Variants in MSH3 observed in about 807,000 individuals in gnomAD.
The protein encoded by MSH3 is DNA mismatch repair protein Msh3.
MSH3 carries 106 observed loss-of-function variants against 123.3 expected under a neutral mutation model. The ratio of observed to expected loss-of-function variants is 0.86; its 90% CI spans 0.73 to 1.01. MSH3 has a LOEUF of 1.01. Ranked by LOEUF, MSH3 falls within the 50% of genes least tolerant of loss-of-function variation. MSH3 has a pLI of 0.00. For missense variants in MSH3, 1,459 were observed against 1,347.6 expected (o/e 1.08, Z -1.29); for synonymous variants, 515 against 481.4 (o/e 1.07, Z -0.91).
chr5:80,689,192 A>G (rs1279174161), intron 8 of MSH3, among the ~76,000 whole-genome samples: 1 of 152,136 alleles, frequency 6.6e-6, no homozygotes, highest in African/African-American at 2.4e-5. Flanking sequence ...CTGTTCAGTG[A>G]GTATTTGCTG....
intron 12 of MSH3, among the ~76,000 whole-genome samples, chr5:80,745,865 C>A (rs138933794): frequency 6.6e-6 from 1 of 152,318 alleles, no homozygotes; most frequent in East Asian, 1.9e-4. Flanking sequence ...CTGTGTTACT[C>A]TGTGATTAAT....
Position 80,787,825 on chromosome 5 carries a change from AAAATT to A in MSH3, c.2543+159_2543+163del, listed in dbSNP as rs1289958042. Among the ~76,000 whole-genome samples, 5 of 152,342 alleles carry A rather than the reference AAAATT, an allele frequency of 3.3e-5. No homozygotes were observed. In the South Asian group the frequency reaches 8.3e-4, roughly 25 times the overall value. On this transcript the variant is annotated intron_variant, in intron 18 of 23. Coordinates refer to ENST00000265081, the MANE Select transcript of MSH3 (RefSeq NM_002439.5). Reference sequence around the variant, plus strand: ...TGTCATACATATGTAGCTTGATTTGAAAATTAAATTCATTTCTTGCTTCCTCTGTC... The same window carrying A: ...TGTCATACATATGTAGCTTGATTTGAAAATTCATTTCTTGCTTCCTCTGTC...
At chr5:80,771,273 C>G (rs557055733) in intron 15 of MSH3, among the ~76,000 whole-genome samples, 1 of 152,240 alleles carries the variant, frequency 6.6e-6, no homozygotes, top group South Asian at 2.1e-4. Flanking sequence ...CGCTTGAGCT[C>G]CGGAGTTCAA....
intron 18 of MSH3, among the ~76,000 whole-genome samples, chr5:80,788,972 C>T (rs1300272538): frequency 6.6e-6 from 1 of 152,062 alleles, no homozygotes; most frequent in African/African-American, 2.4e-5. Context: ...TGTATCCTCC[C>T]AGCTCTGTGA....
intron 10 of MSH3, among the ~76,000 whole-genome samples, chr5:80,732,184 A>G (rs1743424100): frequency 6.6e-6 from 1 of 152,204 alleles, no homozygotes; most frequent in Admixed American, 6.5e-5. Flanking sequence ...ATTATTTATT[A>G]TAACAGAATT....
chr5:80,792,646 G>A lies in MSH3; in HGVS notation c.2544-87G>A, dbSNP rs975321533. 5.3e-6 allele frequency: 4 copies of A among 757,440 alleles called. No individual in the cohort carries two copies. The African/African-American group carries it at 5.3e-5, about 10-fold the overall frequency. The allele number at this position is 757,440 out of a possible 1,614,324, so 46.9% of individuals were successfully genotyped here. A position where few individuals can be genotyped will look rare whatever the true frequency, so the allele number is the denominator to read the frequency against. ...TTTTGTTTTCTGTCGTACAAACAGA[G>A]TACTGAAATTTTTCATGCTATCTTA... On this transcript the variant is annotated intron_variant, in intron 18 of 23. Transcript: ENST00000265081.
chr5:80,703,804 G>GT (rs553533708), intron 8 of MSH3, among the ~76,000 whole-genome samples: 367 of 149,136 alleles, frequency 2.5e-3, no homozygotes, highest in African/African-American at 7.1e-3. Flanking sequence ...CATATAAAGA[G>GT]TTTTTTTTTT....
intron 7 of MSH3, among the ~76,000 whole-genome samples, chr5:80,678,716 A>G (rs1181676566): frequency 6.6e-6 from 1 of 152,134 alleles, no homozygotes; most frequent in African/African-American, 2.4e-5. Context: ...CGGCTCTCGG[A>G]AATCTGATTT....
chr5:80,736,217 CTCCG>C (rs1194141192), intron 10 of MSH3, among the ~76,000 whole-genome samples: 15 of 151,718 alleles, frequency 9.9e-5, no homozygotes, highest in Admixed American at 7.2e-4. Flanking sequence ...CTGAGCGAGA[CTCCG>C]TCCCTCACCC....
In MSH3 at chr5:80,741,504, A is replaced by G. The variant is rs1333806808; in HGVS notation, c.1609A>G (p.Ile537Val). The G allele has an allele frequency of 6.2e-7, 1 of 1,607,928 alleles. No individual in the cohort carries two copies. The highest frequency in any genetic ancestry group is 1.3e-5 in the African/African-American group (1 of 74,810). ...ATCAAGTAAAATGGAATTTATGACA[A>G]TTAATGGAACAACATTAAGGAATCT... The part of the protein sequence containing the change: ...QLSSKMEFMT[I>V]NGTTLRNLEI... Residue 537 changes from isoleucine (I) to valine (V), a missense_variant, in exon 11 of 24, where the codon ATT (isoleucine) becomes GTT (valine). Physicochemically the swap from Ile to Val is conservative, Grantham distance 29. Coordinates refer to ENST00000265081, the MANE Select transcript of MSH3 (RefSeq NM_002439.5).
chr5:80,838,805 A>G (rs530271168), intron 20 of MSH3, among the ~76,000 whole-genome samples: 100 of 152,330 alleles, frequency 6.6e-4, no homozygotes, highest in African/African-American at 2.3e-3. Flanking sequence ...GTGATGGCCT[A>G]TTTATGCAAG....
In MSH3 at chr5:80,846,190, G is replaced by A. The variant is rs183010792; in HGVS notation, c.2814-7940G>A. On this transcript the variant is annotated intron_variant, in intron 20 of 23. Coordinates refer to ENST00000265081, the MANE Select transcript of MSH3 (RefSeq NM_002439.5). ...TGCAGGTCTGTTGGGGTTTGCTGGAGGTCCACTCCAGACCCTCTTTGCCTG... is the reference window on the plus strand; with the variant it reads ...TGCAGGTCTGTTGGGGTTTGCTGGAAGTCCACTCCAGACCCTCTTTGCCTG... Among the ~76,000 whole-genome samples the A allele has an allele frequency of 6.6e-5, 10 of 152,186 alleles. No homozygotes were observed. In the East Asian group the frequency reaches 1.9e-3, roughly 29 times the overall value.
chr5:80,851,029 A>T (rs992858901), intron 20 of MSH3, among the ~76,000 whole-genome samples: 2 of 152,152 alleles, frequency 1.3e-5, no homozygotes, highest in Non-Finnish European at 2.9e-5. Context: ...TATTAATATA[A>T]CCATTTTCCG....
At chr5:80,676,275 C>T (rs1483511380) in intron 7 of MSH3, among the ~76,000 whole-genome samples, 1 of 151,998 alleles carries the variant, frequency 6.6e-6, no homozygotes, top group Non-Finnish European at 1.5e-5. Flanking sequence ...AGGTGATCAG[C>T]CCACCTCGGC....
chr5:80,684,012 C>T (rs906790448), intron 8 of MSH3, among the ~76,000 whole-genome samples: 4 of 152,084 alleles, frequency 2.6e-5, no homozygotes, highest in Admixed American at 2.0e-4. Flanking sequence ...GGATTTATTT[C>T]TGGGTTTTCT....
chr5:80,790,379 G>A (rs1294033543), intron 18 of MSH3, among the ~76,000 whole-genome samples: 1 of 152,024 alleles, frequency 6.6e-6, no homozygotes, highest in African/African-American at 2.4e-5. Flanking sequence ...CCTTTAAAAA[G>A]GAGAGTAAAA....
intron 20 of MSH3, among the ~76,000 whole-genome samples, chr5:80,826,247 G>C (rs541562645): frequency 4.6e-5 from 7 of 152,316 alleles, no homozygotes; most frequent in African/African-American, 1.7e-4. Flanking sequence ...AGAATCTACT[G>C]TATGGCTTGT....
chr5:80,864,969 A>T lies in MSH3; in HGVS notation c.3130+27A>T, dbSNP rs202175282. The T allele has an allele frequency of 8.1e-6, 13 of 1,612,478 alleles. 1 individual carries two copies. In the African/African-American group the frequency reaches 1.3e-4, roughly 17 times the overall value. ...TATGAAATATTCCTGCAGTTGGTAC[A>T]AATATTGGTTTTCATGTTTGATAAC... is the stretch of plus-strand genomic sequence containing the variant. On this transcript the variant is annotated intron_variant, in intron 22 of 23. Transcript: ENST00000265081.
chr5:80,723,773 T>C (rs1420734992), intron 8 of MSH3, among the ~76,000 whole-genome samples: 1 of 152,196 alleles, frequency 6.6e-6, no homozygotes, highest in East Asian at 1.9e-4. Context: ...TTAATTTTTT[T>C]TTTTAATTTG....
Sources: allele counts gnomAD v4.1 joint callset (sites outside exome capture counted in the v4.1 genomes callset), GRCh38; gene constraint gnomAD v4.1.1; transcripts MANE v1.5; gene names NCBI Gene and HGNC (gene_info 2026-07-23, HGNC 2026-07-21).